Variants in MEI4 observed in about 807,000 individuals in gnomAD.
The protein encoded by MEI4 is meiotic double-stranded break formation protein 4.
In MEI4, 27 loss-of-function variants were observed where a neutral mutation model predicts 31.4. The observed-to-expected ratio is 0.86, with a 90% CI of 0.63 to 1.19. The LOEUF is 1.19. Ranked by LOEUF, MEI4 falls within the 50% of genes most tolerant of loss-of-function variation. The pLI is 0.00. For missense variants in MEI4, 329 were observed against 398.9 expected, an observed-to-expected ratio of 0.82 and a Z score of 1.49; for synonymous variants, 122 against 145.4, an observed-to-expected ratio of 0.84 and a Z score of 1.16.
chr6:77,790,786 C>T (rs1310020305), intron 3 of MEI4, among the ~76,000 whole-genome samples: 1 of 151,968 alleles, frequency 6.6e-6, no homozygotes, highest in Admixed American at 6.6e-5. Flanking sequence ...TCTAATAGAA[C>T]ATGGCGTTTT....
At chr6:77,692,761 A>G (rs2127652834) in intron 2 of MEI4, among the ~76,000 whole-genome samples, 1 of 152,184 alleles carries the variant, frequency 6.6e-6, no homozygotes, top group East Asian at 1.9e-4. Flanking sequence ...TGAACACAGA[A>G]ATAAGCTAAT....
intron 1 of MEI4, among the ~76,000 whole-genome samples, chr6:77,661,524 G>C (rs1287816277): frequency 1.3e-5 from 2 of 152,132 alleles, no homozygotes; most frequent in Non-Finnish European, 2.9e-5. Context: ...TCCTGGGCAG[G>C]GGCAAATCTC....
chr6:77,794,815 T>A (rs1277761123), intron 3 of MEI4, among the ~76,000 whole-genome samples: 1 of 152,112 alleles, frequency 6.6e-6, no homozygotes, highest in South Asian at 2.1e-4. Context: ...TAAAAAACTT[T>A]CTTCACGATA....
At chr6:77,664,685 C>T (rs1050560743) in intron 1 of MEI4, among the ~76,000 whole-genome samples, 3 of 151,760 alleles carry the variant, frequency 2.0e-5, no homozygotes, top group Admixed American at 6.6e-5. Flanking sequence ...AGGGGACAGG[C>T]AGGAGGGAAA....
At chr6:77,722,676 A>C (rs1459791085) in intron 2 of MEI4, among the ~76,000 whole-genome samples, 1 of 133,792 alleles carries the variant, frequency 7.5e-6, no homozygotes, top group East Asian at 2.2e-4. Flanking sequence ...GAATTGAAGT[A>C]ATCATTGGCT....
intron 3 of MEI4, among the ~76,000 whole-genome samples, chr6:77,802,146 G>C (rs1769282161): frequency 6.6e-6 from 1 of 152,140 alleles, no homozygotes. Context: ...TTATGAATCT[G>C]GGTGCTCCTG....
chr6:77,822,220 G>C (rs1769843197), intron 3 of MEI4, among the ~76,000 whole-genome samples: 1 of 152,150 alleles, frequency 6.6e-6, no homozygotes, highest in African/African-American at 2.4e-5. Context: ...TCCAGTCAGT[G>C]ACATACTGGG....
At chr6:77,818,583 C>A (rs1769742858) in intron 3 of MEI4, among the ~76,000 whole-genome samples, 1 of 152,052 alleles carries the variant, frequency 6.6e-6, no homozygotes, top group Non-Finnish European at 1.5e-5. Context: ...TTTTCTTGTA[C>A]CATCATAGTT....
rs1295274834 is a variant in MEI4, at chr6:77,820,581, A to G, written c.769-8350A>G. ...GTGCCCGGCCGGTTTTCTTTTTTAA[A>G]TCCCTTTAGTATGGTTCTATCAGTG... is the stretch of plus-strand genomic sequence containing the variant. On this transcript the variant is annotated intron_variant, in intron 3 of 4. Transcript: ENST00000684080. The surrounding 1 kb of genome is among the most constrained non-coding windows in gnomAD (Gnocchi z 4.5). 6.6e-6 allele frequency among the ~76,000 whole-genome samples: 1 copy of G among 152,066 alleles called. No homozygotes were observed. Among genetic ancestry groups the G allele is most frequent in the African/African-American group, 2.4e-5 (1 of 41,416 alleles).
intron 4 of MEI4, among the ~76,000 whole-genome samples, chr6:77,840,479 G>T (rs943847438): frequency 6.6e-6 from 1 of 152,038 alleles, no homozygotes; most frequent in Non-Finnish European, 1.5e-5. Flanking sequence ...TGGAGAAAAC[G>T]ATAAATGTAT....
At chr6:77,884,936 C>G (rs1771584003) in intron 4 of MEI4, among the ~76,000 whole-genome samples, 1 of 151,940 alleles carries the variant, frequency 6.6e-6, no homozygotes, top group African/African-American at 2.4e-5. Context: ...CTTTATATTA[C>G]TTTGAGTAGT....
chr6:77,809,019 A>G (rs908020942), intron 3 of MEI4, among the ~76,000 whole-genome samples: 6 of 152,172 alleles, frequency 3.9e-5, no homozygotes, highest in African/African-American at 1.4e-4. Flanking sequence ...TGCCTGTAGA[A>G]AGTGCTCCAT....
At chr6:77,701,182 A>G (rs995285538) in intron 2 of MEI4, among the ~76,000 whole-genome samples, 1 of 152,170 alleles carries the variant, frequency 6.6e-6, no homozygotes, top group African/African-American at 2.4e-5. Context: ...TTTAAATTTC[A>G]TAGACACTGC....
intron 1 of MEI4, among the ~76,000 whole-genome samples, chr6:77,654,275 G>A (rs1193711042): frequency 6.6e-6 from 1 of 152,132 alleles, no homozygotes; most frequent in Non-Finnish European, 1.5e-5. Flanking sequence ...GACTTGTTTT[G>A]TTGACTGTTA....
At chr6:77,755,675 C>G (rs1389178404) in intron 2 of MEI4, among the ~76,000 whole-genome samples, 1 of 151,996 alleles carries the variant, frequency 6.6e-6, no homozygotes, top group African/African-American at 2.4e-5. Flanking sequence ...CCTCGGACTC[C>G]CATGTGCTGG....
intron 2 of MEI4, among the ~76,000 whole-genome samples, chr6:77,733,495 G>GA (rs1315808707): frequency 6.6e-6 from 1 of 151,994 alleles, no homozygotes; most frequent in African/African-American, 2.4e-5. Context: ...ATTTTTTATT[G>GA]TGTCTATTTG....
At chr6:77,715,114 T>G (rs753049258) in intron 2 of MEI4, among the ~76,000 whole-genome samples, 5 of 152,178 alleles carry the variant, frequency 3.3e-5, no homozygotes, top group Non-Finnish European at 7.3e-5. Flanking sequence ...GTGAAATCAT[T>G]TATTCTGGTG....
At chr6:77,781,824 C>T (rs907813853) in intron 3 of MEI4, among the ~76,000 whole-genome samples, 6 of 152,148 alleles carry the variant, frequency 3.9e-5, no homozygotes, top group Non-Finnish European at 7.3e-5. Context: ...GGTTTCCTTA[C>T]TTTCAGCTCC....
At chr6:77,791,727 GCTAA>G (rs1768942134) in intron 3 of MEI4, among the ~76,000 whole-genome samples, 2 of 150,646 alleles carry the variant, frequency 1.3e-5, no homozygotes, top group South Asian at 4.2e-4. Flanking sequence ...GCTAAATCAA[GCTAA>G]CTGACAGTGT....
Sources: allele counts gnomAD v4.1 joint callset (sites outside exome capture counted in the v4.1 genomes callset), GRCh38; gene constraint gnomAD v4.1.1; non-coding constraint Gnocchi (gnomAD v3.1); transcripts MANE v1.5; gene names NCBI Gene and HGNC (gene_info 2026-07-23, HGNC 2026-07-21).